The following ADAMTS13 variants were observed in gnomAD, a reference collection of about 807,000 sequenced individuals.
ADAMTS13 encodes the protein A disintegrin and metalloproteinase with thrombospondin motifs 13.
ADAMTS13 carries 110 observed loss-of-function variants against 155.1 expected under a neutral mutation model. The observed-to-expected ratio is 0.71, with a 90% CI of 0.61 to 0.83. The LOEUF (loss-of-function observed/expected upper bound fraction) is 0.83, where lower values mean the gene tolerates loss of function less well. ADAMTS13 is among the 40% of genes least tolerant of loss of function. The probability of loss-of-function intolerance (pLI) is 0.00; values close to 1 mark genes in which losing one functional copy is unlikely to be tolerated. For synonymous variants in ADAMTS13, 758 were observed against 756.4 expected (o/e 1.00, Z -0.03); for missense variants, 1,707 against 1,891.7 (o/e 0.90, Z 1.81).
Position 133,448,825 on chromosome 9 carries a change from G to A in ADAMTS13, c.2861+97G>A, listed in dbSNP as rs587640824. ...CCCGGTGACCTGCGGAGGGGGGCAG[G>A]TGCTGCTGGCTGTGCACTGTGTGAG... On this transcript the variant is annotated intron_variant, in intron 22 of 28. Transcript: ENST00000355699. 1,609 of 1,523,724 alleles carry A rather than the reference G, an allele frequency of 1.1e-3. 6 individuals are homozygous for A. The highest frequency in any genetic ancestry group is 2.2e-3 in the South Asian group (189 of 84,390). The allele number at this position is 1,523,724 out of a possible 1,614,324, so 94.4% of individuals were successfully genotyped here.
intron 1 of ADAMTS13, chr9:133,415,039 CAT>C: frequency 1.3e-6 from 2 of 1,549,968 alleles, no homozygotes; most frequent in Non-Finnish European, 1.7e-6. Flanking sequence ...ATACATGCTG[CAT>C]TTGAATTTGG....
At chr9:133,450,853 G>C (rs36222279) in intron 23 of ADAMTS13, among the ~76,000 whole-genome samples, 10,602 of 152,304 alleles carry the variant, frequency 0.07, 541 homozygotes, top group Middle Eastern at 0.12. Context: ...CTAGTTGTGG[G>C]AGGTGAAGTT....
At chr9:133,447,896 T>C (rs961789039) in intron 21 of ADAMTS13, among the ~76,000 whole-genome samples, 4 of 152,212 alleles carry the variant, frequency 2.6e-5, no homozygotes, top group Non-Finnish European at 5.9e-5. Context: ...GCCTATTTCT[T>C]TTGAGGATAT....
intron 21 of ADAMTS13, among the ~76,000 whole-genome samples, chr9:133,446,831 A>G (rs1437823277): frequency 6.6e-6 from 1 of 152,152 alleles, no homozygotes; most frequent in Admixed American, 6.6e-5. Context: ...ATCCTTGCCA[A>G]CACTTTTTAT....
intron 7 of ADAMTS13, 35 bp downstream of exon 7, chr9:133,428,806 T>C: frequency 7.9e-7 from 1 of 1,263,442 alleles, no homozygotes. Flanking sequence ...CGCGCGAGCC[T>C]CCAGCCAGCC....
chr9:133,435,783 C>T (rs587674324), intron 11 of ADAMTS13, among the ~76,000 whole-genome samples: 171 of 151,800 alleles, frequency 1.1e-3, no homozygotes, highest in South Asian at 7.9e-3. Context: ...CTGCCTGCCT[C>T]GGCCTCCCAA....
chr9:133,448,209 C>T (rs781803624), intron 21 of ADAMTS13, among the ~76,000 whole-genome samples: 10 of 152,056 alleles, frequency 6.6e-5, no homozygotes, highest in Non-Finnish European at 1.3e-4. Context: ...AGGCTCGTCT[C>T]GAACTCCTGA....
At position 133,441,580 on chromosome 9, in the gene ADAMTS13, C is replaced by G. The variant is rs900757635; in HGVS notation, c.1969-819C>G. On this transcript the variant is annotated intron_variant, in intron 16 of 28. Coordinates refer to ENST00000355699, the MANE Select transcript of ADAMTS13 (RefSeq NM_139027.6). The surrounding 1 kb of genome is among the most constrained non-coding windows in gnomAD (Gnocchi z 5.0). ...GGCAGGTGCGGAATGTCACCTCGCC[C>G]TGGGCTCTGGCCTCCAGGCTGGCCT... 1.3e-5 allele frequency among the ~76,000 whole-genome samples: 2 copies of G among 152,214 alleles called. No individual in the cohort carries two copies. The highest frequency in any genetic ancestry group is 4.8e-5 in the African/African-American group (2 of 41,454).
chr9:133,448,858 C>T (rs1842246406), intron 22 of ADAMTS13, 130 bp downstream of exon 22: 1 of 1,405,444 alleles, frequency 7.1e-7, no homozygotes. Flanking sequence ...GAGGCTGGAC[C>T]ATGGCCGCCC....
intron 27 of ADAMTS13, 111 bp from the exon 28 acceptor site, chr9:133,457,799 A>G (rs1033255569): frequency 1.5e-5 from 21 of 1,424,714 alleles, no homozygotes; most frequent in African/African-American, 1.3e-4. Context: ...GGGAACCCCA[A>G]TATTGACCAC....
At chr9:133,454,354 CG>C in intron 23 of ADAMTS13, 60 bp from the exon 24 acceptor site, 1 of 1,585,394 alleles carries the variant, frequency 6.3e-7, no homozygotes, top group South Asian at 1.1e-5. Context: ...GAGGGGCCTG[CG>C]TGGGGCAGTA....
rs781915055 is a variant in ADAMTS13, at chr9:133,444,897, G to A, written c.2455G>A (p.Ala819Thr). The A allele has an allele frequency of 1.9e-6, 3 of 1,613,186 alleles. No individual in the cohort carries two copies. Among genetic ancestry groups the A allele is most frequent in the Admixed American group, 3.3e-5 (2 of 60,014 alleles). ...GTCAGAGCCCAGCTCATGCACATCA[G>A]CTGGTGGAGCAGGCCTGGCCTTGGA... ...EVSEPSSCTSAGGAGLALENE... is the reference protein window; with the variant it reads ...EVSEPSSCTSTGGAGLALENE... Residue 819 changes from alanine to threonine, a missense_variant, in exon 20 of 29, where the codon GCT becomes ACT. Coordinates refer to ENST00000355699, the MANE Select transcript of ADAMTS13 (RefSeq NM_139027.6).
chr9:133,436,730 C>T (rs1409435272), intron 11 of ADAMTS13, 99 bp from the exon 12 acceptor site: 5 of 1,268,204 alleles, frequency 3.9e-6, no homozygotes, highest in Non-Finnish European at 4.5e-6. Context: ...GCCACACCCA[C>T]ATCTTGATCC....
Position 133,449,936 on chromosome 9 carries a change from G to A in ADAMTS13, c.3015G>A (p.Glu1005=). 3.1e-6 allele frequency: 5 copies of A among 1,609,956 alleles called. No homozygotes were observed. Among genetic ancestry groups the A allele is most frequent in the African/African-American group, 1.3e-5 (1 of 75,022 alleles). Residue 1005 remains glutamate, a synonymous_variant, in exon 23 of 29, where the codon GAG becomes GAA. Transcript: ENST00000355699. ...CQGLPRPEPQ[E]ACSLEPCPPR... ...GGCTGCCTCGCCCGGAACCCCAGGA[G>A]GCCTGCAGCCTGGAGCCCTGCCCAC...
rs1841565577 is a variant in ADAMTS13, at chr9:133,440,314, A to T, written c.1787-30A>T. On this transcript the variant is annotated intron_variant, in intron 15 of 28. Transcript: ENST00000355699. The surrounding 1 kb of genome is among the most constrained non-coding windows in gnomAD (Gnocchi z 4.3). The stretch of plus-strand genomic sequence containing the variant: ...GTGAGGAGGATGGGTGCTCAGCTCC[A>T]CACAGCTAACAGGGCTGGTTCCCCG... 6.2e-7 allele frequency: 1 copy of T among 1,613,354 alleles called. No individual in the cohort carries two copies. Among genetic ancestry groups the T allele is most frequent in the Non-Finnish European group, 8.5e-7 (1 of 1,179,920 alleles).
Position 133,441,153 on chromosome 9 carries a change from T to A in ADAMTS13, c.1968+628T>A, listed in dbSNP as rs1554790632. On this transcript the variant is annotated intron_variant, in intron 16 of 28. Coordinates refer to ENST00000355699, the MANE Select transcript of ADAMTS13 (RefSeq NM_139027.6). The surrounding 1 kb of genome is among the most constrained non-coding windows in gnomAD (Gnocchi z 5.0). ...TTGGTGCTTCGCTGAGGAAGGCACG[T>A]GGAGGGTGGAGAGACATAAGCGCAG... 6.6e-6 allele frequency among the ~76,000 whole-genome samples: 1 copy of A among 152,100 alleles called. No homozygotes were observed. The highest frequency in any genetic ancestry group is 1.5e-5 in the Non-Finnish European group (1 of 68,006).
At chr9:133,438,514 TC>T (rs1841420300) in intron 14 of ADAMTS13, 148 bp downstream of exon 14, 4 of 1,274,774 alleles carry the variant, frequency 3.1e-6, no homozygotes, top group Admixed American at 2.3e-5. Context: ...AGCGTCTCCC[TC>T]TTCCACTTCG....
intron 14 of ADAMTS13, among the ~76,000 whole-genome samples, 179 bp downstream of exon 14, chr9:133,438,545 T>G (rs1028723323): frequency 2.6e-5 from 4 of 152,136 alleles, no homozygotes; most frequent in Non-Finnish European, 5.9e-5. Context: ...TGTGGCAGGC[T>G]CAGGTTTTGG....
chr9:133,433,757 G>C, intron 11 of ADAMTS13, 53 bp downstream of exon 11: 1 of 1,596,356 alleles, frequency 6.3e-7, no homozygotes, highest in Non-Finnish European at 8.5e-7. Flanking sequence ...CGGGCCCTGG[G>C]GGAGCCAAAG....
Sources: allele counts gnomAD v4.1 joint callset (sites outside exome capture counted in the v4.1 genomes callset), GRCh38; gene constraint gnomAD v4.1.1; non-coding constraint Gnocchi (gnomAD v3.1); transcripts MANE v1.5; gene names NCBI Gene and HGNC (gene_info 2026-07-23, HGNC 2026-07-21).